ATP8B4: variants seen among roughly 807,000 people sequenced by gnomAD.
ATP8B4 encodes the protein probable phospholipid-transporting ATPase IM.
Under a neutral mutation model 145.6 loss-of-function variants are expected in ATP8B4, and 133 were observed. That is an observed-to-expected ratio of 0.91 (90% confidence interval 0.79 to 1.05). The LOEUF (loss-of-function observed/expected upper bound fraction) is 1.05, where lower values mean the gene tolerates loss of function less well. ATP8B4 is among the 50% of genes least tolerant of loss of function. The pLI, the probability that ATP8B4 is intolerant of heterozygous loss-of-function variation, is 0.00. For missense variants in ATP8B4, 1,458 were observed against 1,425.2 expected, an observed-to-expected ratio of 1.02 and a Z score of -0.37; for synonymous variants, 507 against 492.9, an observed-to-expected ratio of 1.03 and a Z score of -0.38.
intron 24 of ATP8B4, among the ~76,000 whole-genome samples, chr15:49,877,620 T>C (rs1259021996): frequency 3.3e-5 from 5 of 152,136 alleles, no homozygotes; most frequent in Non-Finnish European, 7.4e-5. Flanking sequence ...AACAAGACAG[T>C]CATGAGCTCA....
At chr15:49,923,681 G>A (rs2040461958) in intron 16 of ATP8B4, among the ~76,000 whole-genome samples, 187 bp from the exon 17 acceptor site, 1 of 152,148 alleles carries the variant, frequency 6.6e-6, no homozygotes, top group Non-Finnish European at 1.5e-5. Flanking sequence ...ATTAACTTAA[G>A]AAATGCTCCA....
At chr15:50,129,017 G>C (rs891587123) in intron 1 of ATP8B4, among the ~76,000 whole-genome samples, 1 of 152,194 alleles carries the variant, frequency 6.6e-6, no homozygotes. Flanking sequence ...GCAGTGAGCT[G>C]AGATCGCGTC....
Position 49,859,569 on chromosome 15 carries a change from T to C in ATP8B4, c.*625A>G, listed in dbSNP as rs2153366159. The C allele has an allele frequency of 6.6e-6, 1 of 152,326 alleles. No homozygotes were observed. Among genetic ancestry groups the C allele is most frequent in the African/African-American group, 2.4e-5 (1 of 41,570 alleles). 9.4% of individuals were successfully genotyped at this position (152,326 alleles called of 1,614,324 possible). ...CCTATCCTGCTGCAAAGATGTTCAG[T>C]CTCCTTTGTCCCTAGACTGGTATAA... is the stretch of plus-strand genomic sequence containing the variant. On this transcript the variant is annotated 3_prime_UTR_variant, in exon 28 of 28. Transcript: ENST00000284509.
intron 1 of ATP8B4, among the ~76,000 whole-genome samples, chr15:50,115,079 C>T (rs1253906556): frequency 1.3e-5 from 2 of 152,154 alleles, no homozygotes; most frequent in Non-Finnish European, 2.9e-5. Context: ...ACCTGTAATC[C>T]CAACACTTTG....
At chr15:50,081,672 G>A (rs897195440) in intron 2 of ATP8B4, among the ~76,000 whole-genome samples, 1 of 152,206 alleles carries the variant, frequency 6.6e-6, no homozygotes, top group African/African-American at 2.4e-5. Context: ...TTTAAGATTA[G>A]GTAGTGAACG....
At position 49,887,663 on chromosome 15, in the gene ATP8B4, GA is replaced by G. The variant is rs770772653; in HGVS notation, c.2698-8205del. 2.6e-3 allele frequency among the ~76,000 whole-genome samples: 360 copies of G among 138,974 alleles called. 1 individual carries two copies. The highest frequency in any genetic ancestry group is 7.5e-3 in the African/African-American group (284 of 38,112). The allele number at this position is 138,974 out of a possible 152,430, so 91.2% of individuals were successfully genotyped here. On this transcript the variant is annotated intron_variant, in intron 23 of 27. Coordinates refer to ENST00000284509, the MANE Select transcript of ATP8B4 (RefSeq NM_024837.4). ...CCTATAAGTGTCTCTTCACAGATCA[GA>G]AAAAAAAAAAACAGGGAGGAGAGTT... is the stretch of plus-strand genomic sequence containing the variant.
intron 1 of ATP8B4, among the ~76,000 whole-genome samples, chr15:50,129,992 A>G (rs12442998): frequency 0.48 from 71,507 of 150,228 alleles, 19,770 homozygotes; most frequent in Middle Eastern, 0.64. Context: ...AAGAAATTAC[A>G]TGGTAGAGTA....
intron 14 of ATP8B4, among the ~76,000 whole-genome samples, chr15:49,946,220 C>A (rs955664340): frequency 6.6e-6 from 1 of 151,948 alleles, no homozygotes; most frequent in African/African-American, 2.4e-5. Flanking sequence ...CAACAAGCAA[C>A]CCCCAAAAAT....
At chr15:50,144,975 T>G (rs532954225) in intron 1 of ATP8B4, among the ~76,000 whole-genome samples, 26 of 152,252 alleles carry the variant, frequency 1.7e-4, no homozygotes, top group African/African-American at 6.3e-4. Flanking sequence ...TATTTCGTTC[T>G]TAAAGCCTAG....
At chr15:49,939,701 T>C (rs2042012580) in intron 14 of ATP8B4, among the ~76,000 whole-genome samples, 1 of 152,158 alleles carries the variant, frequency 6.6e-6, no homozygotes, top group African/African-American at 2.4e-5. Context: ...CCAATTCTAT[T>C]GAAACTACTA....
chr15:50,008,377 C>T (rs1283736280), intron 7 of ATP8B4, among the ~76,000 whole-genome samples: 10 of 152,064 alleles, frequency 6.6e-5, no homozygotes, highest in Admixed American at 6.6e-4. Flanking sequence ...TCCCTCCAAA[C>T]GATAACAAGA....
At chr15:50,053,984 C>G (rs1014581916) in intron 3 of ATP8B4, among the ~76,000 whole-genome samples, 1 of 152,110 alleles carries the variant, frequency 6.6e-6, no homozygotes, top group African/African-American at 2.4e-5. Flanking sequence ...TAACATTTCT[C>G]ATATATTTAT....
At chr15:49,974,526 A>G (rs2045499471) in intron 12 of ATP8B4, among the ~76,000 whole-genome samples, 1 of 151,388 alleles carries the variant, frequency 6.6e-6, no homozygotes, top group African/African-American at 2.4e-5. Context: ...CAGCTGGCTG[A>G]TTGTCTTTTC....
At chr15:50,024,632 C>A (rs887123114) in intron 6 of ATP8B4, among the ~76,000 whole-genome samples, 9 of 152,310 alleles carry the variant, frequency 5.9e-5, no homozygotes, top group Non-Finnish European at 1.3e-4. Flanking sequence ...CCACTGCAAA[C>A]CCCAGCAAGT....
chr15:49,915,129 C>T (rs1035097965), intron 20 of ATP8B4, among the ~76,000 whole-genome samples: 1 of 151,904 alleles, frequency 6.6e-6, no homozygotes, highest in Non-Finnish European at 1.5e-5. Context: ...ACTATTCAAC[C>T]ATCAAAAAAG....
At chr15:50,176,904 T>G (rs180789527) in intron 1 of ATP8B4, among the ~76,000 whole-genome samples, 33 of 152,260 alleles carry the variant, frequency 2.2e-4, no homozygotes, top group Middle Eastern at 3.4e-3. Flanking sequence ...TTGTTCTCAG[T>G]CTCACCTTTT....
At chr15:49,966,720 C>T (rs761964231) in intron 13 of ATP8B4, among the ~76,000 whole-genome samples, 22 of 152,314 alleles carry the variant, frequency 1.4e-4, no homozygotes, top group Non-Finnish European at 2.2e-4. Context: ...TCCTGCCTGC[C>T]GGCTCTGAAG....
chr15:50,038,831 T>A lies in ATP8B4; in HGVS notation c.301-2A>T, dbSNP rs1384882364. On this transcript the variant is annotated splice_acceptor_variant, in intron 5 of 27. Coordinates refer to ENST00000284509, the MANE Select transcript of ATP8B4 (RefSeq NM_024837.4). LOFTEE classifies it high-confidence loss of function. ...TTGATTATCACTCTTGTGGCGAAAC[T>A]GAAAAATCAAAGTGTTTGTGAGAAA... 1 of 1,613,220 alleles carries A rather than the reference T, an allele frequency of 6.2e-7. No individual in the cohort carries two copies. The highest frequency in any genetic ancestry group is 2.2e-5 in the East Asian group (1 of 44,862).
In ATP8B4 at chr15:49,931,116, T is replaced by C. The variant is rs780406462; in HGVS notation, c.1642+3A>G. The C allele has an allele frequency of 6.2e-7, 1 of 1,608,002 alleles. No homozygotes were observed. The highest frequency in any genetic ancestry group is 8.5e-7 in the Non-Finnish European group (1 of 1,176,136). ...CAAAAATAGTCTTAGCTACCAACCA[T>C]ACCTATGACAGACATCCTTTTTCTG... On this transcript the variant is annotated splice_donor_region_variant and intron_variant, in intron 16 of 27. Transcript: ENST00000284509.
Sources: gnomAD v4.1 joint callset for allele counts (sites outside exome capture counted in the v4.1 genomes callset) on GRCh38, gnomAD v4.1.1 for gene constraint, MANE v1.5 for transcripts, NCBI Gene and HGNC (gene_info 2026-07-23, HGNC 2026-07-21) for gene names.